The following SLC44A1 variants were observed in gnomAD, a reference collection of about 807,000 sequenced individuals.
SLC44A1 encodes the protein choline transporter-like protein 1.
In SLC44A1, 26 loss-of-function variants were observed where a neutral mutation model predicts 79.3. That is an observed-to-expected ratio of 0.33 (90% CI 0.24 to 0.46). The LOEUF (loss-of-function observed/expected upper bound fraction) is 0.46. SLC44A1 is among the 20% of genes least tolerant of loss of function. The pLI is 1.00. For missense variants in SLC44A1, 688 were observed against 798.1 expected (o/e 0.86, Z 1.66); for synonymous variants, 263 against 286.2 (o/e 0.92, Z 0.82).
At chr9:105,385,388 CA>C (rs1206767668) in intron 14 of SLC44A1, 33 bp from the exon 15 acceptor site, 1 of 1,469,130 alleles carries the variant, frequency 6.8e-7, no homozygotes, top group East Asian at 2.4e-5. Context: ...TGAAAGGACC[CA>C]AGAATTTATT....
intron 3 of SLC44A1, among the ~76,000 whole-genome samples, chr9:105,327,693 G>A (rs931521053): frequency 6.6e-6 from 1 of 152,118 alleles, no homozygotes; most frequent in Non-Finnish European, 1.5e-5. Context: ...TGCCTGCTCT[G>A]TTCCTGCGCT....
In SLC44A1 at chr9:105,396,339, A is replaced by G; in HGVS notation, c.*7283A>G. The G allele has an allele frequency of 1.0e-6, 1 of 985,450 alleles. No individual in the cohort carries two copies. The highest frequency in any genetic ancestry group is 4.7e-5 in the South Asian group (1 of 21,290). 61.0% of individuals were successfully genotyped at this position (985,450 alleles called of 1,614,324 possible). A position where few individuals can be genotyped will look rare whatever the true frequency, so the allele number is the denominator to read the frequency against. On this transcript the variant is annotated 3_prime_UTR_variant, in exon 16 of 16. Coordinates refer to ENST00000374720, the MANE Select transcript of SLC44A1 (RefSeq NM_080546.5). ...TTACAGGAGAAAAAAACTTTAACAAAAAGGCAGGGAGAAAAGTGTGAAGGG... is the reference window on the plus strand; with the variant it reads ...TTACAGGAGAAAAAAACTTTAACAAGAAGGCAGGGAGAAAAGTGTGAAGGG...
chr9:105,397,011 A>G lies in SLC44A1; in HGVS notation c.*7955A>G, dbSNP rs1828890458. On this transcript the variant is annotated 3_prime_UTR_variant, in exon 16 of 16. Coordinates refer to ENST00000374720, the MANE Select transcript of SLC44A1 (RefSeq NM_080546.5). The stretch of plus-strand genomic sequence containing the variant: ...TATTGACACAGTGCAGACTTTGCAG[A>G]TGGAGCATTATGCTCTCAGAGGACT... 1.3e-5 allele frequency: 13 copies of G among 985,252 alleles called. No homozygotes were observed. Among genetic ancestry groups the G allele is most frequent in the African/African-American group, 1.7e-5 (1 of 57,358 alleles). 61.0% of individuals were successfully genotyped at this position (985,252 alleles called of 1,614,324 possible).
chr9:105,251,908 GTTAATA>G (rs1368682727), intron 1 of SLC44A1, among the ~76,000 whole-genome samples: 6 of 152,300 alleles, frequency 3.9e-5, no homozygotes, highest in East Asian at 1.9e-4. Context: ...TAATTTTACA[GTTAATA>G]TTAATGTCTA....
intron 15 of SLC44A1, among the ~76,000 whole-genome samples, chr9:105,429,418 T>C (rs776472504): frequency 2.0e-5 from 3 of 152,166 alleles, no homozygotes; most frequent in Non-Finnish European, 2.9e-5. Flanking sequence ...TCCTCCCACC[T>C]CAGCCTCCCG....
intron 1 of SLC44A1, among the ~76,000 whole-genome samples, chr9:105,290,804 G>A (rs1291789112): frequency 1.3e-5 from 2 of 152,224 alleles, no homozygotes; most frequent in Non-Finnish European, 2.9e-5. Flanking sequence ...TTAAATGGAT[G>A]AATGTTTGTG....
chr9:105,289,960 C>T (rs889707991), intron 1 of SLC44A1, among the ~76,000 whole-genome samples: 1 of 151,864 alleles, frequency 6.6e-6, no homozygotes, highest in Admixed American at 6.6e-5. Flanking sequence ...ATTACAGGTG[C>T]CCACCACCAT....
chr9:105,270,534 A>T (rs1375487243), intron 1 of SLC44A1, among the ~76,000 whole-genome samples: 1 of 151,604 alleles, frequency 6.6e-6, no homozygotes, highest in African/African-American at 2.4e-5. Context: ...CTTCTCATTT[A>T]TTATGTTCTG....
chr9:105,356,251 C>A lies in SLC44A1; in HGVS notation c.540C>A (p.Asn180Lys), dbSNP rs780705243. ...TCTTCCATCGCTGTGCTCCTGTGAA[C>A]ATTTCCTGCTATGCCAAGTTTGCAG... ...IPFFHRCAPV[N>K]ISCYAKFAEA... Residue 180 changes from asparagine (N) to lysine (K), a missense_variant, in exon 6 of 16, where the codon AAC (asparagine) becomes AAA (lysine). Physicochemically the swap from Asn to Lys is moderately conservative, Grantham distance 94 (BLOSUM62 0). Transcript: ENST00000374720. The A allele has an allele frequency of 6.2e-7, 1 of 1,613,718 alleles. No homozygotes were observed. Among genetic ancestry groups the A allele is most frequent in the South Asian group, 1.1e-5 (1 of 91,036 alleles).
At chr9:105,316,883 G>A (rs1210140366) in intron 3 of SLC44A1, among the ~76,000 whole-genome samples, 1 of 152,196 alleles carries the variant, frequency 6.6e-6, no homozygotes, top group Non-Finnish European at 1.5e-5. Context: ...CTGTAAATCG[G>A]AAACTGAAGC....
In SLC44A1 at chr9:105,396,509, C is replaced by T. The variant is rs922745408; in HGVS notation, c.*7453C>T. The T allele has an allele frequency of 9.1e-6, 9 of 985,258 alleles. No individual in the cohort carries two copies. The highest frequency in any genetic ancestry group is 7.0e-5 in the African/African-American group (4 of 57,206). 61.0% of individuals were successfully genotyped at this position (985,258 alleles called of 1,614,324 possible). The stretch of plus-strand genomic sequence containing the variant: ...GAATAGAGCTCCTAGAATAATAAGG[C>T]GGCCAAATTTAAAGATCAGTCAATA... On this transcript the variant is annotated 3_prime_UTR_variant, in exon 16 of 16. Transcript: ENST00000374720.
At chr9:105,334,644 C>T (rs1236824585) in intron 3 of SLC44A1, among the ~76,000 whole-genome samples, 3 of 152,148 alleles carry the variant, frequency 2.0e-5, no homozygotes, top group East Asian at 1.9e-4. Context: ...TTCCTTGATC[C>T]GTGTTATTGC....
At chr9:105,280,933 C>T (rs1830336112) in intron 1 of SLC44A1, among the ~76,000 whole-genome samples, 1 of 152,212 alleles carries the variant, frequency 6.6e-6, no homozygotes, top group South Asian at 2.1e-4. Context: ...TGTGAGATCA[C>T]TGCAGCACAC....
At chr9:105,280,612 G>C (rs149903197) in intron 1 of SLC44A1, among the ~76,000 whole-genome samples, 1 of 152,292 alleles carries the variant, frequency 6.6e-6, no homozygotes, top group East Asian at 1.9e-4. Context: ...GAAGAAAACA[G>C]TATTAAATAG....
chr9:105,294,632 A>ATGAG (rs1449539097), intron 1 of SLC44A1: 1 of 152,006 alleles, frequency 6.6e-6, no homozygotes, highest in Non-Finnish European at 1.5e-5. Flanking sequence ...GGGTTTGAGT[A>ATGAG]TAATAGGTGT....
chr9:105,349,532 G>T (rs1564451087), intron 5 of SLC44A1, among the ~76,000 whole-genome samples: 1 of 151,948 alleles, frequency 6.6e-6, no homozygotes, highest in Non-Finnish European at 1.5e-5. Context: ...AAAACTAAAG[G>T]GACTATTTTA....
chr9:105,362,901 C>T lies in SLC44A1; in HGVS notation c.981C>T (p.Val327=). The T allele has an allele frequency of 1.2e-6, 2 of 1,613,516 alleles. No homozygotes were observed. Among genetic ancestry groups the T allele is most frequent in the African/African-American group, 1.3e-5 (1 of 75,032 alleles). ...TIALFHVAGK[V]FIHLPLLVFQ... is the part of the protein sequence containing the mutation. ...CCTTGTTCCACGTAGCTGGCAAGGTCTTCATTCACTTGCCACTGCTAGTCT... is the reference window on the plus strand; with the variant it reads ...CCTTGTTCCACGTAGCTGGCAAGGTTTTCATTCACTTGCCACTGCTAGTCT... The change falls in exon 9 of 16, where the codon GTC becomes GTT. Residue 327 remains valine, a synonymous_variant. Transcript: ENST00000374720.
At position 105,356,356 on chromosome 9, in the gene SLC44A1, A is replaced by C. The variant is rs751892475; in HGVS notation, c.645A>C (p.Ile215=). The C allele has an allele frequency of 5.0e-6, 8 of 1,602,846 alleles. No homozygotes were observed. The highest frequency in any genetic ancestry group is 1.7e-4 in the Middle Eastern group (1 of 6,028). The change falls in exon 6 of 16, where the codon ATA becomes ATC. Residue 215 remains isoleucine (I), a synonymous_variant. Transcript: ENST00000374720. The part of the protein sequence containing the change: ...ISGVMTSKEI[I]LGLCLLSLVL... ...GAGTAATGACCAGCAAAGAAATTAT[A>C]TTGGGACTTTGCTTGTTATCACTAG... is the stretch of plus-strand genomic sequence containing the variant.
rs1828894418 is a variant in SLC44A1 at position 105,397,254 on chromosome 9, G to T, written c.*8198G>T. 2.0e-6 allele frequency: 2 copies of T among 985,180 alleles called. No individual in the cohort carries two copies. The highest frequency in any genetic ancestry group is 2.3e-4 in the East Asian group (2 of 8,812). 61.0% of individuals were successfully genotyped at this position (985,180 alleles called of 1,614,324 possible). Reference sequence around the variant, plus strand: ...TAATGCTAAGTTTTCTCTGTGTACTGACTCAGTTGCCAGAATTATAATGAA... The same window carrying T: ...TAATGCTAAGTTTTCTCTGTGTACTTACTCAGTTGCCAGAATTATAATGAA... On this transcript the variant is annotated 3_prime_UTR_variant, in exon 16 of 16. Coordinates refer to ENST00000374720, the MANE Select transcript of SLC44A1 (RefSeq NM_080546.5).
Sources: allele counts gnomAD v4.1 joint callset (sites outside exome capture counted in the v4.1 genomes callset), GRCh38; gene constraint gnomAD v4.1.1; transcripts MANE v1.5; gene names NCBI Gene and HGNC (gene_info 2026-07-23, HGNC 2026-07-21).